Variants in FBXL5 observed in about 807,000 individuals in gnomAD.
FBXL5 encodes F-box/LRR-repeat protein 5.
Under a neutral mutation model 78.3 loss-of-function variants are expected in FBXL5, and 26 were observed. The ratio of observed to expected loss-of-function variants is 0.33; its 90% CI spans 0.24 to 0.46. The LOEUF (loss-of-function observed/expected upper bound fraction) is 0.46. Among genes scored for constraint, FBXL5 ranks in the 20% least tolerant of loss-of-function variants. The probability of loss-of-function intolerance (pLI) is 1.00; values close to 1 mark genes in which losing one functional copy is unlikely to be tolerated. For synonymous variants in FBXL5, 295 were observed against 282.5 expected, an observed-to-expected ratio of 1.04 and a Z score of -0.45; for missense variants, 710 against 829.2, an observed-to-expected ratio of 0.86 and a Z score of 1.77.
chr4:15,671,637 G>A (rs1182715145), intron 1 of FBXL5, among the ~76,000 whole-genome samples: 5 of 151,980 alleles, frequency 3.3e-5, no homozygotes, highest in African/African-American at 9.7e-5. Flanking sequence ...TGGGTTTATG[G>A]TTTCCATCAA....
chr4:15,624,387 G>A (rs753681143), intron 9 of FBXL5, among the ~76,000 whole-genome samples: 92 of 152,078 alleles, frequency 6.0e-4, no homozygotes, highest in Admixed American at 1.2e-3. Context: ...TTTGCACAAA[G>A]CCAGTCATAC....
chr4:15,623,972 G>A (rs1173137446), intron 9 of FBXL5, among the ~76,000 whole-genome samples: 3 of 151,918 alleles, frequency 2.0e-5, no homozygotes, highest in South Asian at 2.1e-4. Flanking sequence ...ACAGGTGCCC[G>A]CCACCGTGCC....
intron 9 of FBXL5, among the ~76,000 whole-genome samples, chr4:15,624,046 A>T (rs1172879144): frequency 6.6e-6 from 1 of 151,864 alleles, no homozygotes; most frequent in South Asian, 2.1e-4. Flanking sequence ...GGACGGTCTC[A>T]ATCTCCTGAC....
intron 5 of FBXL5, among the ~76,000 whole-genome samples, chr4:15,631,636 T>A (rs1249595009): frequency 6.6e-6 from 1 of 152,236 alleles, no homozygotes; most frequent in East Asian, 1.9e-4. Flanking sequence ...GGTATCTCAT[T>A]GTGGTTTTAA....
At chr4:15,613,226 G>A (rs1158946208) in intron 9 of FBXL5, among the ~76,000 whole-genome samples, 1 of 152,074 alleles carries the variant, frequency 6.6e-6, no homozygotes, top group Non-Finnish European at 1.5e-5. Context: ...ATAAGTATGG[G>A]GTTCTTTTTG....
intron 1 of FBXL5, among the ~76,000 whole-genome samples, chr4:15,677,070 A>G (rs1718020930): frequency 6.6e-6 from 1 of 152,224 alleles, no homozygotes; most frequent in South Asian, 2.1e-4. Context: ...ACCGCTAGAT[A>G]GCGTTAAAAC....
intron 9 of FBXL5, among the ~76,000 whole-genome samples, chr4:15,623,909 G>A (rs898961856): frequency 1.1e-4 from 16 of 151,314 alleles, no homozygotes; most frequent in South Asian, 4.2e-4. Flanking sequence ...TGCAAGCTCC[G>A]TCTCCCGGGT....
At chr4:15,640,761 A>G (rs925953333) in intron 3 of FBXL5, 27 bp downstream of exon 3, 1 of 1,259,180 alleles carries the variant, frequency 7.9e-7, no homozygotes, top group African/African-American at 1.5e-5. Flanking sequence ...TTATAAATCT[A>G]AATCACGAAA....
chr4:15,608,671 A>G (rs1415123952), intron 10 of FBXL5, among the ~76,000 whole-genome samples: 1 of 151,940 alleles, frequency 6.6e-6, no homozygotes, highest in Non-Finnish European at 1.5e-5. Flanking sequence ...TACAGAGTGA[A>G]GAGAGAGAAT....
In FBXL5 at chr4:15,646,725, G is replaced by A. The variant is rs570084579; in HGVS notation, c.85-2017C>T. Among the ~76,000 whole-genome samples the A allele has an allele frequency of 4.6e-5, 6 of 130,104 alleles. No homozygotes were observed. The East Asian group carries it at 1.3e-3, about 29-fold the overall frequency. 85.4% of individuals were successfully genotyped at this position (130,104 alleles called of 152,430 possible). ...CCCACCCCACAACAGGCCCCGGTGTGTGATGTTCCCCTTCCCACGTCCATG... is the reference window on the plus strand; with the variant it reads ...CCCACCCCACAACAGGCCCCGGTGTATGATGTTCCCCTTCCCACGTCCATG... On this transcript the variant is annotated intron_variant, in intron 1 of 10. Transcript: ENST00000341285.
chr4:15,645,120 A>G (rs1715231762), intron 1 of FBXL5, among the ~76,000 whole-genome samples: 2 of 151,968 alleles, frequency 1.3e-5, no homozygotes, highest in South Asian at 4.2e-4. Context: ...AGCTACTAAC[A>G]CCATACCTCC....
At chr4:15,670,914 CTTTTTTTTTT>C (rs57312794) in intron 1 of FBXL5, among the ~76,000 whole-genome samples, 9 of 54,144 alleles carry the variant, frequency 1.7e-4, no homozygotes, top group East Asian at 6.1e-4. Flanking sequence ...TGTGCGTAGA[CTTTTTTTTTT>C]TTTTTTTTTT....
chr4:15,617,484 G>T (rs1712015708), intron 9 of FBXL5, among the ~76,000 whole-genome samples: 1 of 148,258 alleles, frequency 6.7e-6, no homozygotes, highest in East Asian at 2.0e-4. Context: ...TGAGGTGGAG[G>T]TTGCAGTGAG....
chr4:15,640,368 C>A (rs1714720840), intron 3 of FBXL5, among the ~76,000 whole-genome samples: 2 of 113,382 alleles, frequency 1.8e-5, no homozygotes, highest in African/African-American at 3.3e-5. Flanking sequence ...TTAAAGCCAC[C>A]ATTTAAATAC....
chr4:15,625,521 T>A lies in FBXL5; in HGVS notation c.1581A>T (p.Gly527=). 1.9e-6 allele frequency: 3 copies of A among 1,614,104 alleles called. No homozygotes were observed. Among genetic ancestry groups the A allele is most frequent in the Non-Finnish European group, 2.5e-6 (3 of 1,180,004 alleles). Residue 527 remains glycine, a synonymous_variant, in exon 9 of 11, where the codon GGA becomes GGT. Coordinates refer to ENST00000341285, the MANE Select transcript of FBXL5 (RefSeq NM_012161.4). The part of the protein sequence containing the change: ...TSGCFSKDIV[G]LRTSVCWQQH... The stretch of plus-strand genomic sequence containing the variant: ...GCTGCCAACAGACACTAGTCCTTAG[T>A]CCAACAATGTCCTTACTAAAACAAC...
intron 10 of FBXL5, among the ~76,000 whole-genome samples, chr4:15,606,420 A>G (rs184286270): frequency 4.6e-5 from 7 of 152,276 alleles, no homozygotes; most frequent in Admixed American, 3.9e-4. Context: ...ATTCACTTAC[A>G]AAGAATAAAA....
chr4:15,639,629 T>C (rs760556093), intron 3 of FBXL5, among the ~76,000 whole-genome samples: 3 of 152,202 alleles, frequency 2.0e-5, no homozygotes, highest in Non-Finnish European at 4.4e-5. Context: ...CCACAGATAA[T>C]TGTGATGGAT....
chr4:15,637,712 G>A (rs911662623), intron 4 of FBXL5, among the ~76,000 whole-genome samples: 5 of 151,952 alleles, frequency 3.3e-5, no homozygotes, highest in African/African-American at 9.7e-5. Context: ...TAAGCTTTAC[G>A]GGATTAATTA....
intron 9 of FBXL5, among the ~76,000 whole-genome samples, chr4:15,623,079 A>G (rs1712647097): frequency 6.6e-6 from 1 of 152,156 alleles, no homozygotes; most frequent in Non-Finnish European, 1.5e-5. Flanking sequence ...CTTTTCTTCA[A>G]ATTTCTCTTA....
Sources: allele counts gnomAD v4.1 joint callset (sites outside exome capture counted in the v4.1 genomes callset), GRCh38; gene constraint gnomAD v4.1.1; transcripts MANE v1.5; gene names NCBI Gene and HGNC (gene_info 2026-07-23, HGNC 2026-07-21).